TPMT: variants seen among roughly 807,000 people sequenced by gnomAD.
The protein encoded by TPMT is thiopurine S-methyltransferase, also known as S-adenosyl-L-methionine:thiopurine S-methyltransferase.
In TPMT, 18 loss-of-function variants were observed where a neutral mutation model predicts 34.2. The observed-to-expected ratio is 0.53, with a 90% CI of 0.36 to 0.78. The LOEUF (loss-of-function observed/expected upper bound fraction) is 0.78, where lower values mean the gene tolerates loss of function less well. TPMT is among the 30% of genes least tolerant of loss of function. The pLI is 0.00. For synonymous variants in TPMT, 69 were observed against 92.4 expected, an observed-to-expected ratio of 0.75 and a Z score of 1.45; for missense variants, 265 against 288.1, an observed-to-expected ratio of 0.92 and a Z score of 0.58.
In TPMT at chr6:18,129,254, T is replaced by C. The variant is rs1783889111; in HGVS notation, c.*1414A>G. 6.6e-6 allele frequency: 1 copy of C among 152,160 alleles called. No homozygotes were observed. Among genetic ancestry groups the C allele is most frequent in the Non-Finnish European group, 1.5e-5 (1 of 68,032 alleles). 9.4% of individuals were successfully genotyped at this position (152,160 alleles called of 1,614,324 possible). On this transcript the variant is annotated 3_prime_UTR_variant, in exon 9 of 9. Coordinates refer to ENST00000309983, the MANE Select transcript of TPMT (RefSeq NM_000367.5). ...CTGTGAGCAAGGAGTTGCTTCAAAT[T>C]AATAGCCTTACAAATCTATTAGAAT...
rs962594347 is a variant in TPMT, at chr6:18,135,011, A to G, written c.495-1122T>C. 6.6e-6 allele frequency among the ~76,000 whole-genome samples: 1 copy of G among 152,074 alleles called. No homozygotes were observed. The highest frequency in any genetic ancestry group is 2.4e-5 in the African/African-American group (1 of 41,398). On this transcript the variant is annotated intron_variant, in intron 6 of 8. Transcript: ENST00000309983. The surrounding 1 kb of genome is among the most constrained non-coding windows in gnomAD (Gnocchi z 5.0). ...CCAGAAGTTGGGGAGGCAAGTGCAG[A>G]CTCTATGAGATGCCCAGGCTCAAAC...
chr6:18,144,793 T>C (rs748657467), intron 3 of TPMT, among the ~76,000 whole-genome samples: 16 of 151,702 alleles, frequency 1.1e-4, no homozygotes, highest in East Asian at 1.9e-4. Context: ...CAATCTCAGC[T>C]CACTGCAACC....
At position 18,147,894 on chromosome 6, in the gene TPMT, A is replaced by G. The variant is rs764617211; in HGVS notation, c.162T>C (p.Asp54=). The part of the protein sequence containing the change: ...QGHQLLKKHL[D]TFLKGKSGLR... Reference sequence around the variant, plus strand: ...GTCCACTCTTGCCTTTAAGGAAAGTATCTAAATGCTTCTTTAATAGCCTGA... The same window carrying G: ...GTCCACTCTTGCCTTTAAGGAAAGTGTCTAAATGCTTCTTTAATAGCCTGA... Residue 54 remains aspartate, a synonymous_variant, in exon 3 of 9, where the codon GAT becomes GAC. Transcript: ENST00000309983. 9.9e-6 allele frequency: 16 copies of G among 1,613,876 alleles called. No homozygotes were observed. In the South Asian group the frequency reaches 1.6e-4, roughly 17 times the overall value.
chr6:18,133,284 C>T (rs962031312), intron 7 of TPMT, among the ~76,000 whole-genome samples: 1 of 152,108 alleles, frequency 6.6e-6, no homozygotes, highest in African/African-American at 2.4e-5. Context: ...AGAAAACATA[C>T]CCCCAACAGA....
chr6:18,136,344 G>A lies in TPMT; in HGVS notation c.495-2455C>T, dbSNP rs1408499680. On this transcript the variant is annotated intron_variant, in intron 6 of 8. Transcript: ENST00000309983. The surrounding 1 kb of genome is among the most constrained non-coding windows in gnomAD (Gnocchi z 4.7). ...CAGACACTGGACATGTGATGTGGAT[G>A]TTTGGGAGAAAGAACAGAGCTGGAA... is the stretch of plus-strand genomic sequence containing the variant. Among the ~76,000 whole-genome samples, 1 of 152,102 alleles carries A rather than the reference G, an allele frequency of 6.6e-6. No individual in the cohort carries two copies. The highest frequency in any genetic ancestry group is 1.5e-5 in the Non-Finnish European group (1 of 68,030).
In TPMT at chr6:18,132,857, G is replaced by A. The variant is rs1034411851; in HGVS notation, c.581-680C>T. The stretch of plus-strand genomic sequence containing the variant: ...GCCTGTAATCCCAGCACTTTGGGAG[G>A]CTGAGGAGGGCGGATCACCTGAGGT... On this transcript the variant is annotated intron_variant, in intron 7 of 8. Transcript: ENST00000309983. This position sits in a 1 kb window ranked among gnomAD's most constrained non-coding sequence, Gnocchi z 4.8. 7.9e-5 allele frequency among the ~76,000 whole-genome samples: 12 copies of A among 152,090 alleles called. No individual in the cohort carries two copies. Among genetic ancestry groups the A allele is most frequent in the Admixed American group, 7.9e-4 (12 of 15,258 alleles).
At chr6:18,144,867 T>C (rs773209858) in intron 3 of TPMT, among the ~76,000 whole-genome samples, 4 of 148,878 alleles carry the variant, frequency 2.7e-5, no homozygotes, top group Non-Finnish European at 6.0e-5. Flanking sequence ...ATTACAGGTG[T>C]GCCCCACCAT....
intron 4 of TPMT, among the ~76,000 whole-genome samples, chr6:18,142,221 TA>T (rs1283467866): frequency 6.6e-6 from 1 of 151,908 alleles, no homozygotes; most frequent in Non-Finnish European, 1.5e-5. Flanking sequence ...TTTTGCCTAT[TA>T]AACCTCCACT....
rs1026048193 is a variant in TPMT at position 18,136,574 on chromosome 6, G to A, written c.494+2389C>T. On this transcript the variant is annotated intron_variant, in intron 6 of 8. Coordinates refer to ENST00000309983, the MANE Select transcript of TPMT (RefSeq NM_000367.5). The surrounding 1 kb of genome is among the most constrained non-coding windows in gnomAD (Gnocchi z 4.7). ...CCTCTAATCCCAGCACCGGGTGGCC[G>A]AGGCGGGTGGATCAGCTGGGGTCCG... is the stretch of plus-strand genomic sequence containing the variant. Among the ~76,000 whole-genome samples, 1 of 152,188 alleles carries A rather than the reference G, an allele frequency of 6.6e-6. No individual in the cohort carries two copies. The highest frequency in any genetic ancestry group is 6.5e-5 in the Admixed American group (1 of 15,270).
At chr6:18,133,074 C>T (rs1783976162) in intron 7 of TPMT, among the ~76,000 whole-genome samples, 2 of 152,266 alleles carry the variant, frequency 1.3e-5, no homozygotes, top group South Asian at 4.1e-4. Context: ...GCCTGGGCCA[C>T]AGAGTGAGAC....
rs185065254 is a variant in TPMT at position 18,135,364 on chromosome 6, A to T, written c.495-1475T>A. On this transcript the variant is annotated intron_variant, in intron 6 of 8. Coordinates refer to ENST00000309983, the MANE Select transcript of TPMT (RefSeq NM_000367.5). This position sits in a 1 kb window ranked among gnomAD's most constrained non-coding sequence, Gnocchi z 5.0. ...GTTTTTCTCTCTCAACCAGTCTCAA[A>T]AAGTCCAGAAAAATGAGGTCTGCCC... Among the ~76,000 whole-genome samples, 1 of 152,270 alleles carries T rather than the reference A, an allele frequency of 6.6e-6. No individual in the cohort carries two copies. The highest frequency in any genetic ancestry group is 1.9e-4 in the East Asian group (1 of 5,178).
In TPMT at chr6:18,142,861, G is replaced by A. The variant is rs535316837; in HGVS notation, c.366+735C>T. Among the ~76,000 whole-genome samples, 6 of 152,068 alleles carry A rather than the reference G, an allele frequency of 3.9e-5. No individual in the cohort carries two copies. The East Asian group carries it at 1.2e-3, about 30-fold the overall frequency. Reference sequence around the variant, plus strand: ...TCCTCATTCGGTCACAGAATCCTGCGGGTCTATCGTAAATGTTGCTTTAAT... The same window carrying A: ...TCCTCATTCGGTCACAGAATCCTGCAGGTCTATCGTAAATGTTGCTTTAAT... On this transcript the variant is annotated intron_variant, in intron 4 of 8. Coordinates refer to ENST00000309983, the MANE Select transcript of TPMT (RefSeq NM_000367.5).
At chr6:18,142,492 C>A (rs948133430) in intron 4 of TPMT, among the ~76,000 whole-genome samples, 13 of 152,088 alleles carry the variant, frequency 8.5e-5, no homozygotes, top group Non-Finnish European at 1.5e-4. Flanking sequence ...CCAACAGCCT[C>A]GCAACAGCAC....
In TPMT at chr6:18,136,107, C is replaced by T. The variant is rs1002818514; in HGVS notation, c.495-2218G>A. 3.3e-5 allele frequency among the ~76,000 whole-genome samples: 5 copies of T among 152,152 alleles called. No homozygotes were observed. The highest frequency in any genetic ancestry group is 7.3e-5 in the Non-Finnish European group (5 of 68,028). On this transcript the variant is annotated intron_variant, in intron 6 of 8. Transcript: ENST00000309983. The surrounding 1 kb of genome is among the most constrained non-coding windows in gnomAD (Gnocchi z 4.7). Reference sequence around the variant, plus strand: ...GCACGTGGTGACTTTTAGTTTGCTTCCCACTGCTTGGTGGATTTTACCATG... The same window carrying T: ...GCACGTGGTGACTTTTAGTTTGCTTTCCACTGCTTGGTGGATTTTACCATG...
At position 18,135,486 on chromosome 6, in the gene TPMT, G is replaced by A. The variant is rs1464596994; in HGVS notation, c.495-1597C>T. Among the ~76,000 whole-genome samples the A allele has an allele frequency of 2.0e-5, 3 of 152,150 alleles. No homozygotes were observed. The highest frequency in any genetic ancestry group is 2.9e-5 in the Non-Finnish European group (2 of 68,028). On this transcript the variant is annotated intron_variant, in intron 6 of 8. Transcript: ENST00000309983. The surrounding 1 kb of genome is among the most constrained non-coding windows in gnomAD (Gnocchi z 5.0). Reference sequence around the variant, plus strand: ...TAAGGAGAAGACACCCAGTCCTAACGAAAGCACCAATATAATGTGCTAACA... The same window carrying A: ...TAAGGAGAAGACACCCAGTCCTAACAAAAGCACCAATATAATGTGCTAACA...
rs915851617 is a variant in TPMT, at chr6:18,136,680, C to T, written c.494+2283G>A. Reference sequence around the variant, plus strand: ...AAAAAATTAGCCGGGTGTGGTGGAGCATGCCTATAATCCCAGCTACCTGGG... The same window carrying T: ...AAAAAATTAGCCGGGTGTGGTGGAGTATGCCTATAATCCCAGCTACCTGGG... On this transcript the variant is annotated intron_variant, in intron 6 of 8. Transcript: ENST00000309983. The surrounding 1 kb of genome is among the most constrained non-coding windows in gnomAD (Gnocchi z 4.7). 6.6e-6 allele frequency among the ~76,000 whole-genome samples: 1 copy of T among 152,156 alleles called. No individual in the cohort carries two copies. The highest frequency in any genetic ancestry group is 1.5e-5 in the Non-Finnish European group (1 of 68,036).
In TPMT at chr6:18,150,641, C is replaced by T. The variant is rs1055870601; in HGVS notation, c.-44-1470G>A. On this transcript the variant is annotated intron_variant, in intron 1 of 8. Coordinates refer to ENST00000309983, the MANE Select transcript of TPMT (RefSeq NM_000367.5). This position sits in a 1 kb window ranked among gnomAD's most constrained non-coding sequence, Gnocchi z 5.3. Reference sequence around the variant, plus strand: ...CCACGCTTATATTGGTGAAGCCTAACCTCCAGAGCTTCCTGAAAGAGCACA... The same window carrying T: ...CCACGCTTATATTGGTGAAGCCTAATCTCCAGAGCTTCCTGAAAGAGCACA... 1.3e-5 allele frequency among the ~76,000 whole-genome samples: 2 copies of T among 152,106 alleles called. No homozygotes were observed. The highest frequency in any genetic ancestry group is 4.8e-5 in the African/African-American group (2 of 41,426).
chr6:18,153,204 C>T lies in TPMT; in HGVS notation c.-45+1829G>A, dbSNP rs1172697845. Among the ~76,000 whole-genome samples the T allele has an allele frequency of 6.6e-6, 1 of 152,222 alleles. No individual in the cohort carries two copies. Among genetic ancestry groups the T allele is most frequent in the Non-Finnish European group, 1.5e-5 (1 of 68,050 alleles). On this transcript the variant is annotated intron_variant, in intron 1 of 8. Transcript: ENST00000309983. The surrounding 1 kb of genome is among the most constrained non-coding windows in gnomAD (Gnocchi z 4.2). ...GCTTCTGGCCTGCGGCTACACTTCTCAGCCAGTCAGAATGGCTGCTCTACA... is the reference window on the plus strand; with the variant it reads ...GCTTCTGGCCTGCGGCTACACTTCTTAGCCAGTCAGAATGGCTGCTCTACA...
chr6:18,152,798 A>G (rs2518470), intron 1 of TPMT, among the ~76,000 whole-genome samples: 140,262 of 152,102 alleles, frequency 0.92, 64,749 homozygotes, highest in African/African-American at 0.93. Flanking sequence ...TTCTATAAGG[A>G]CTTAAGGGAA....
Sources: gnomAD v4.1 joint callset for allele counts (sites outside exome capture counted in the v4.1 genomes callset) on GRCh38, gnomAD v4.1.1 for gene constraint, Gnocchi (gnomAD v3.1) non-coding constraint, MANE v1.5 for transcripts, NCBI Gene and HGNC (gene_info 2026-07-23, HGNC 2026-07-21) for gene names.